PCDH15: variants seen among roughly 807,000 people sequenced by gnomAD.
PCDH15 encodes protocadherin related 15.
A neutral mutation model predicts 178.5 loss-of-function variants in PCDH15; 129 were observed. That is an observed-to-expected ratio of 0.72 (90% confidence interval 0.63 to 0.84). The LOEUF is 0.84. Ranked by LOEUF, PCDH15 falls within the 40% of genes least tolerant of loss-of-function variation. The probability of loss-of-function intolerance (pLI) is 0.00; values close to 1 mark genes in which losing one functional copy is unlikely to be tolerated. For missense variants in PCDH15, 2,230 were observed against 2,099.9 expected, an observed-to-expected ratio of 1.06 and a Z score of -1.21; for synonymous variants, 800 against 732.0, an observed-to-expected ratio of 1.09 and a Z score of -1.50.
At chr10:55,115,996 C>A (rs111825453) in intron 2 of PCDH15, among the ~76,000 whole-genome samples, 143 of 152,206 alleles carry the variant, frequency 9.4e-4, no homozygotes, top group African/African-American at 3.2e-3. Flanking sequence ...GTATCTACAC[C>A]CCTTAGAAAG....
chr10:54,124,367 C>T (rs866093939), intron 15 of PCDH15, among the ~76,000 whole-genome samples: 5 of 151,872 alleles, frequency 3.3e-5, no homozygotes, highest in Non-Finnish European at 7.4e-5. Flanking sequence ...TTACTGAGTA[C>T]GGAGTTTCAG....
chr10:54,175,106 T>G (rs1213766874), intron 13 of PCDH15, among the ~76,000 whole-genome samples: 2 of 152,176 alleles, frequency 1.3e-5, no homozygotes, highest in Non-Finnish European at 2.9e-5. Context: ...CATGAAGACT[T>G]TATCCGGTAT....
intron 3 of PCDH15, among the ~76,000 whole-genome samples, chr10:54,435,407 A>G (rs773868311): frequency 1.4e-4 from 21 of 152,162 alleles, no homozygotes; most frequent in Admixed American, 1.1e-3. Context: ...AGGTCTCATA[A>G]CATGCTGGGG....
At chr10:53,919,597 T>A (rs549049732) in intron 25 of PCDH15, among the ~76,000 whole-genome samples, 1 of 152,288 alleles carries the variant, frequency 6.6e-6, no homozygotes, top group East Asian at 1.9e-4. Context: ...TGTCTAAAAT[T>A]ACTCAACTAG....
chr10:54,648,144 C>T (rs1430693689), intron 2 of PCDH15, among the ~76,000 whole-genome samples: 3 of 151,986 alleles, frequency 2.0e-5, no homozygotes, highest in African/African-American at 7.2e-5. Context: ...AGGGGTTCCT[C>T]TGATAATCTA....
intron 8 of PCDH15, among the ~76,000 whole-genome samples, chr10:54,301,186 C>A (rs1332782061): frequency 6.6e-6 from 1 of 152,124 alleles, no homozygotes; most frequent in Non-Finnish European, 1.5e-5. Context: ...TCAGTGAAAC[C>A]AAGAACCCAC....
intron 8 of PCDH15, 27 bp from the exon 9 acceptor site, chr10:54,236,958 T>C (rs1330822449): frequency 6.6e-7 from 1 of 1,525,220 alleles, no homozygotes; most frequent in African/African-American, 1.4e-5. Flanking sequence ...GAGAGTTTCA[T>C]TCAGCCGCAT....
At position 53,888,702 on chromosome 10, in the gene PCDH15, T is replaced by TATATATAAA. The variant is rs1554845542; in HGVS notation, c.3501+14540_3501+14541insTTTATATAT. ...ATATATATATATATATATATATATA[T>TATATATAAA]ATCTCCTGTGGAAATTGATAAGCTG... On this transcript the variant is annotated intron_variant, in intron 26 of 37. Transcript: ENST00000644397. Among the ~76,000 whole-genome samples the TATATATAAA allele has an allele frequency of 8.7e-5, 4 of 46,190 alleles. 1 individual carries two copies. In the Admixed American group the frequency reaches 1.3e-3, roughly 15 times the overall value. 30.3% of individuals were successfully genotyped at this position (46,190 alleles called of 152,430 possible).
At chr10:55,172,268 A>C (rs1166752303) in intron 1 of PCDH15, among the ~76,000 whole-genome samples, 7 of 152,032 alleles carry the variant, frequency 4.6e-5, no homozygotes, top group African/African-American at 1.7e-4. Flanking sequence ...ATAATTATTT[A>C]TTGGCATTAT....
In PCDH15 at chr10:53,857,203, C is replaced by G. The variant is rs1229032676; in HGVS notation, c.3778G>C (p.Val1260Leu). ...VIVSNVPPTL[V>L]EKKIEDLTEI... The stretch of plus-strand genomic sequence containing the variant: ...GTAAGATCTTCTATCTTTTTTTCCA[C>G]TAGAGTAGGAGGCACATTGGAAACA... The change falls in exon 28 of 38, where the codon GTG becomes CTG. Residue 1260 changes from valine to leucine, a missense_variant. Coordinates refer to ENST00000644397, the MANE Select transcript of PCDH15 (RefSeq NM_001384140.1). 4.4e-6 allele frequency: 7 copies of G among 1,609,172 alleles called. No individual in the cohort carries two copies. Among genetic ancestry groups the G allele is most frequent in the Non-Finnish European group, 6.0e-6 (7 of 1,176,214 alleles).
chr10:54,487,818 A>G (rs2079226381), intron 3 of PCDH15, among the ~76,000 whole-genome samples: 2 of 152,046 alleles, frequency 1.3e-5, no homozygotes, highest in Admixed American at 1.3e-4. Flanking sequence ...GGCTAAACCC[A>G]GATAGTAAAG....
intron 2 of PCDH15, among the ~76,000 whole-genome samples, chr10:54,656,968 C>T (rs537951907): frequency 9.2e-5 from 14 of 152,286 alleles, no homozygotes; most frequent in African/African-American, 2.9e-4. Context: ...AACAGCTACA[C>T]CTCCATTCAA....
intron 32 of PCDH15, among the ~76,000 whole-genome samples, chr10:53,824,043 C>G (rs1248712463): frequency 1.3e-5 from 2 of 151,816 alleles, no homozygotes; most frequent in African/African-American, 4.8e-5. Flanking sequence ...TGTTTTAAAA[C>G]CTTATAAATA....
intron 3 of PCDH15, among the ~76,000 whole-genome samples, chr10:54,807,176 C>T (rs1952792631): frequency 6.6e-6 from 1 of 152,080 alleles, no homozygotes; most frequent in Admixed American, 6.5e-5. Flanking sequence ...CAAATTATAT[C>T]TAAATGTGTA....
chr10:54,977,584 T>G (rs1839105676), intron 2 of PCDH15, among the ~76,000 whole-genome samples: 1 of 152,148 alleles, frequency 6.6e-6, no homozygotes, highest in Non-Finnish European at 1.5e-5. Context: ...AATAATCCAC[T>G]CCTTGTTTAG....
intron 3 of PCDH15, among the ~76,000 whole-genome samples, chr10:54,451,993 G>T (rs2076510090): frequency 1.3e-5 from 2 of 151,680 alleles, no homozygotes; most frequent in South Asian, 4.1e-4. Flanking sequence ...TTGATGCCAG[G>T]AGCTCTAAAT....
chr10:55,278,469 C>T (rs1022407390), intron 1 of PCDH15, among the ~76,000 whole-genome samples: 2 of 152,102 alleles, frequency 1.3e-5, no homozygotes, highest in Middle Eastern at 3.2e-3. Context: ...AAGTGATCCT[C>T]CCGTCTCGGC....
intron 2 of PCDH15, among the ~76,000 whole-genome samples, chr10:55,560,396 A>G (rs1209146089): frequency 6.6e-6 from 1 of 151,810 alleles, no homozygotes; most frequent in East Asian, 1.9e-4. Context: ...GAATTTGGTT[A>G]TTTTCCTTCT....
chr10:55,560,108 G>C (rs574574076), intron 2 of PCDH15, among the ~76,000 whole-genome samples: 3 of 151,864 alleles, frequency 2.0e-5, no homozygotes, highest in African/African-American at 7.2e-5. Flanking sequence ...CAAACATGTC[G>C]TATCATTTGT....
Sources: allele counts gnomAD v4.1 joint callset (sites outside exome capture counted in the v4.1 genomes callset), GRCh38; gene constraint gnomAD v4.1.1; transcripts MANE v1.5; gene names NCBI Gene and HGNC (gene_info 2026-07-23, HGNC 2026-07-21).